The following ADCY2 variants were observed in gnomAD, a reference collection of about 807,000 sequenced individuals.
The protein encoded by ADCY2 is adenylate cyclase 2.
In ADCY2, 31 loss-of-function variants were observed where a neutral mutation model predicts 125.2. The observed-to-expected ratio is 0.25, with a 90% CI of 0.19 to 0.33. ADCY2 has a LOEUF of 0.33. ADCY2 is among the 10% of genes least tolerant of loss of function. The pLI, the probability that ADCY2 is intolerant of heterozygous loss-of-function variation, is 1.00. For missense variants in ADCY2, 904 were observed against 1,418.2 expected (o/e 0.64, Z 5.82); for synonymous variants, 512 against 548.4 (o/e 0.93, Z 0.93).
intron 2 of ADCY2, among the ~76,000 whole-genome samples, chr5:7,434,280 T>C (rs755355046): frequency 4.6e-5 from 7 of 152,236 alleles, no homozygotes; most frequent in Non-Finnish European, 1.0e-4. Flanking sequence ...TGGTAATCAG[T>C]TGGGAACTAG....
chr5:7,600,149 C>G (rs557904139), intron 3 of ADCY2, among the ~76,000 whole-genome samples: 4 of 152,118 alleles, frequency 2.6e-5, no homozygotes, highest in Non-Finnish European at 4.4e-5. Flanking sequence ...ACACCTGAAA[C>G]TGGAACTGAC....
chr5:7,583,558 T>C (rs1382608642), intron 3 of ADCY2, among the ~76,000 whole-genome samples: 3 of 152,032 alleles, frequency 2.0e-5, no homozygotes, highest in Non-Finnish European at 2.9e-5. Flanking sequence ...CAGAATGAGA[T>C]AACACTACCC....
intron 21 of ADCY2, among the ~76,000 whole-genome samples, chr5:7,803,942 A>G (rs997894074): frequency 1.3e-5 from 2 of 148,168 alleles, no homozygotes; most frequent in African/African-American, 2.5e-5. Flanking sequence ...GTGTGTGTAT[A>G]TATATACACA....
At position 7,695,808 on chromosome 5, in the gene ADCY2, G is replaced by C. The variant is rs1393599715; in HGVS notation, c.926G>C (p.Gly309Ala). 1 of 1,612,938 alleles carries C rather than the reference G, an allele frequency of 6.2e-7. No individual in the cohort carries two copies. Among genetic ancestry groups the C allele is most frequent in the East Asian group, 2.2e-5 (1 of 44,814 alleles). The change falls in exon 6 of 25, where the codon GGA becomes GCA. Residue 309 changes from glycine (G) to alanine (A), a missense_variant. Coordinates refer to ENST00000338316, the MANE Select transcript of ADCY2 (RefSeq NM_020546.3). ...FTRLASDCSPGELVHMLNELF... is the reference protein window; with the variant it reads ...FTRLASDCSPAELVHMLNELF... ...CGGCTGGCAAGTGACTGCTCCCCGGGAGAACTAGTCCACATGCTGAATGAG... is the reference window on the plus strand; with the variant it reads ...CGGCTGGCAAGTGACTGCTCCCCGGCAGAACTAGTCCACATGCTGAATGAG...
In ADCY2 at chr5:7,432,110, G is replaced by A. The variant is rs544454993; in HGVS notation, c.408+17340G>A. On this transcript the variant is annotated intron_variant, in intron 2 of 24. Transcript: ENST00000338316. ...GTGTCTTGACTTCAGAGGGATAGCT[G>A]TCTGACAGTGTAGCTTTGGAGAGGA... Among the ~76,000 whole-genome samples, 4 of 152,194 alleles carry A rather than the reference G, an allele frequency of 2.6e-5. No homozygotes were observed. The South Asian group carries it at 8.3e-4, about 32-fold the overall frequency.
intron 2 of ADCY2, among the ~76,000 whole-genome samples, chr5:7,490,816 G>T (rs1743137108): frequency 6.6e-6 from 1 of 152,100 alleles, no homozygotes; most frequent in African/African-American, 2.4e-5. Flanking sequence ...TCACTTAACT[G>T]GAAATTTAGA....
chr5:7,752,257 G>C (rs1275405057), intron 15 of ADCY2, among the ~76,000 whole-genome samples: 6 of 152,206 alleles, frequency 3.9e-5, no homozygotes, highest in Non-Finnish European at 4.4e-5. Context: ...AATGTTACAA[G>C]TAATTATTGC....
At chr5:7,759,963 CA>C (rs950654604) in intron 16 of ADCY2, among the ~76,000 whole-genome samples, 2 of 152,070 alleles carry the variant, frequency 1.3e-5, no homozygotes, top group Non-Finnish European at 2.9e-5. Context: ...GAGCTTTCTT[CA>C]GGGGGACAGC....
At chr5:7,624,654 T>A (rs1436812066) in intron 3 of ADCY2, among the ~76,000 whole-genome samples, 1 of 152,240 alleles carries the variant, frequency 6.6e-6, no homozygotes, top group Admixed American at 6.5e-5. Context: ...GCTATGATTC[T>A]CTGTTCAGTC....
intron 4 of ADCY2, among the ~76,000 whole-genome samples, chr5:7,651,580 C>T (rs1258807356): frequency 6.6e-6 from 1 of 152,112 alleles, no homozygotes; most frequent in Non-Finnish European, 1.5e-5. Flanking sequence ...TTTATTCTGG[C>T]CGCGCTGGCA....
intron 3 of ADCY2, among the ~76,000 whole-genome samples, chr5:7,591,829 A>G (rs1736857690): frequency 6.6e-6 from 1 of 152,282 alleles, no homozygotes; most frequent in Admixed American, 6.5e-5. Context: ...ATGGTGTTTC[A>G]TTTTAATTTA....
At chr5:7,763,266 A>G (rs956706188) in intron 16 of ADCY2, among the ~76,000 whole-genome samples, 2 of 150,012 alleles carry the variant, frequency 1.3e-5, no homozygotes, top group African/African-American at 2.5e-5. Context: ...AATTTTTTGT[A>G]TTTTTTAGTA....
At chr5:7,452,504 T>A (rs1204164314) in intron 2 of ADCY2, among the ~76,000 whole-genome samples, 1 of 152,238 alleles carries the variant, frequency 6.6e-6, no homozygotes, top group Non-Finnish European at 1.5e-5. Context: ...ACTCATCAGT[T>A]GATGAACACT....
chr5:7,397,170 C>T (rs1488759017), intron 1 of ADCY2, among the ~76,000 whole-genome samples: 1 of 152,144 alleles, frequency 6.6e-6, no homozygotes, highest in Admixed American at 6.5e-5. Context: ...ATTGCTTTCC[C>T]GTTTCTAAAG....
At chr5:7,693,425 T>G (rs1376623009) in intron 5 of ADCY2, among the ~76,000 whole-genome samples, 1 of 138,830 alleles carries the variant, frequency 7.2e-6, no homozygotes, top group African/African-American at 2.6e-5. Context: ...TTTTTTTTTT[T>G]TTTTTTTTTT....
intron 4 of ADCY2, among the ~76,000 whole-genome samples, chr5:7,668,184 G>T (rs1739821132): frequency 6.6e-6 from 1 of 152,232 alleles, no homozygotes; most frequent in Non-Finnish European, 1.5e-5. Flanking sequence ...AGATGTTTTT[G>T]TGAAGGTTAT....
At position 7,596,279 on chromosome 5, in the gene ADCY2, C is replaced by G. The variant is rs202022241; in HGVS notation, c.571-29888C>G. On this transcript the variant is annotated intron_variant, in intron 3 of 24. Transcript: ENST00000338316. ...CCAAATGCCCGATCCAAAAACTCCC[C>G]CCCCCCACCAGTTAGCTCTGGGGTA... Among the ~76,000 whole-genome samples the G allele has an allele frequency of 2.7e-4, 41 of 151,704 alleles. No homozygotes were observed. The East Asian group carries it at 4.5e-3, about 17-fold the overall frequency.
At chr5:7,492,376 GA>G (rs1345615814) in intron 2 of ADCY2, among the ~76,000 whole-genome samples, 1 of 152,200 alleles carries the variant, frequency 6.6e-6, no homozygotes, top group Admixed American at 6.5e-5. Context: ...GGCATTGGAG[GA>G]ATGTGATCAT....
intron 4 of ADCY2, among the ~76,000 whole-genome samples, chr5:7,642,932 C>T (rs1361094081): frequency 1.3e-5 from 2 of 152,040 alleles, no homozygotes; most frequent in Non-Finnish European, 2.9e-5. Flanking sequence ...TTAGACCAGC[C>T]TTTCAAGAGC....
Sources: allele counts gnomAD v4.1 joint callset (sites outside exome capture counted in the v4.1 genomes callset), GRCh38; gene constraint gnomAD v4.1.1; transcripts MANE v1.5; gene names NCBI Gene and HGNC (gene_info 2026-07-23, HGNC 2026-07-21).